ARID1B: variants seen among roughly 807,000 people sequenced by gnomAD.
ARID1B encodes AT-rich interactive domain-containing protein 1B.
In ARID1B, 30 loss-of-function variants were observed where a neutral mutation model predicts 212.3. That is an observed-to-expected ratio of 0.14 (90% CI 0.11 to 0.19). The LOEUF is 0.19. Among genes scored for constraint, ARID1B ranks in the 10% least tolerant of loss-of-function variants. The pLI is 1.00. For synonymous variants in ARID1B, 1,402 were observed against 1,301.7 expected (o/e 1.08, Z -1.66); for missense variants, 2,891 against 3,204.0 (o/e 0.90, Z 2.36).
chr6:157,111,968 C>T (rs1786957260), intron 6 of ARID1B, among the ~76,000 whole-genome samples: 1 of 152,052 alleles, frequency 6.6e-6, no homozygotes, highest in Admixed American at 6.5e-5. Context: ...TTGGCAAGTT[C>T]TCAGATACTG....
chr6:157,046,173 T>C (rs1246242047), intron 4 of ARID1B, among the ~76,000 whole-genome samples: 1 of 152,230 alleles, frequency 6.6e-6, no homozygotes, highest in African/African-American at 2.4e-5. Flanking sequence ...CTTTGTTAGG[T>C]TTAATTATCT....
At chr6:156,960,756 A>G (rs184063075) in intron 4 of ARID1B, among the ~76,000 whole-genome samples, 74 of 152,334 alleles carry the variant, frequency 4.9e-4, no homozygotes, top group Admixed American at 2.6e-4. Context: ...AATATGATTC[A>G]GATAGAGGAA....
intron 1 of ARID1B, among the ~76,000 whole-genome samples, chr6:156,796,105 GT>G (rs879691187): frequency 2.6e-5 from 4 of 152,158 alleles, no homozygotes; most frequent in Admixed American, 2.6e-4. Flanking sequence ...GGCTGAGACT[GT>G]TTCCAAGTGG....
At chr6:156,903,778 T>C (rs1278380325) in intron 3 of ARID1B, among the ~76,000 whole-genome samples, 1 of 152,202 alleles carries the variant, frequency 6.6e-6, no homozygotes, top group African/African-American at 2.4e-5. Flanking sequence ...CAGCTAGTAT[T>C]TCATAACGAC....
chr6:156,933,780 T>G (rs890340006), intron 3 of ARID1B, among the ~76,000 whole-genome samples: 5 of 152,186 alleles, frequency 3.3e-5, no homozygotes, highest in African/African-American at 1.2e-4. Flanking sequence ...TTGTTTGTTT[T>G]TTTGGTGGAG....
At chr6:157,127,359 A>G (rs1398413497) in intron 6 of ARID1B, among the ~76,000 whole-genome samples, 1 of 152,108 alleles carries the variant, frequency 6.6e-6, no homozygotes, top group Non-Finnish European at 1.5e-5. Flanking sequence ...TTGAATCTAT[A>G]ATAGTGACAA....
At chr6:157,115,114 T>A (rs1787238477) in intron 6 of ARID1B, among the ~76,000 whole-genome samples, 1 of 152,138 alleles carries the variant, frequency 6.6e-6, no homozygotes. Context: ...CCCCACCCCA[T>A]CTCTTTTTCG....
chr6:156,778,182 C>A lies in ARID1B; in HGVS notation c.502C>A (p.His168Asn), dbSNP rs1391271938. Reference protein sequence around the residue: ...APAAPPHQQHHHHHHAHHHHH... With the variant: ...APAAPPHQQHNHHHHAHHHHH... ...CGCCGCGCCGCCCCACCAGCAGCAC[C>A]ACCACCACCACCATGCCCACCACCA... The change falls in exon 1 of 20, where the codon CAC (histidine) becomes AAC (asparagine). Residue 168 changes from histidine to asparagine, a missense_variant. Around this residue, in one of 7 missense-constraint regions of ARID1B, gnomAD observed 1,643 missense variants for 1,544.0 expected, o/e 1.06. Transcript: ENST00000636930. 6 of 1,540,246 alleles carry A rather than the reference C, an allele frequency of 3.9e-6. No individual in the cohort carries two copies. The highest frequency in any genetic ancestry group is 8.7e-7 in the Non-Finnish European group (1 of 1,146,060).
intron 19 of ARID1B, chr6:157,205,938 G>T: frequency 1.8e-6 from 1 of 550,362 alleles, no homozygotes; most frequent in Non-Finnish European, 3.3e-6. Context: ...CAAGGAAGCA[G>T]CAAATAAGGA....
intron 4 of ARID1B, among the ~76,000 whole-genome samples, chr6:157,030,658 A>G (rs1780963335): frequency 6.6e-6 from 1 of 152,262 alleles, no homozygotes; most frequent in Non-Finnish European, 1.5e-5. Context: ...AGCCTTGAAT[A>G]GAAAGACACA....
chr6:156,897,264 C>CTTCTTCTTA (rs71027320), intron 2 of ARID1B, among the ~76,000 whole-genome samples: 917 of 83,556 alleles, frequency 0.011, 10 homozygotes, highest in East Asian at 0.017. Flanking sequence ...TCTTCTTCTT[C>CTTCTTCTTA]TTATTATTAT....
chr6:156,779,294 C>G lies in ARID1B; in HGVS notation c.1614C>G (p.Ser538=), dbSNP rs2115001410. The G allele has an allele frequency of 9.0e-7, 1 of 1,116,750 alleles. No homozygotes were observed. The highest frequency in any genetic ancestry group is 1.1e-6 in the Non-Finnish European group (1 of 918,538). The allele number at this position is 1,116,750 out of a possible 1,614,324, so 69.2% of individuals were successfully genotyped here. A position where few individuals can be genotyped will look rare whatever the true frequency, so the allele number is the denominator to read the frequency against. The change falls in exon 1 of 20, where the codon TCC becomes TCG. Residue 538 remains serine (S), a synonymous_variant. Transcript: ENST00000636930. Reference sequence around the variant, plus strand: ...CGCCGCCGCCGTCGCAGCCCCAGTCCCAGGCGGCGGCGGCGGGGGCGGCGG... The same window carrying G: ...CGCCGCCGCCGTCGCAGCCCCAGTCGCAGGCGGCGGCGGCGGGGGCGGCGG... ...APPPPPSQPQ[S]QAAAAGAAAG...
At chr6:157,039,322 C>CTTTCTTTTTTTTTTTTTTTTTTTTTTTT (rs1781547108) in intron 4 of ARID1B, among the ~76,000 whole-genome samples, 1 of 102,976 alleles carries the variant, frequency 9.7e-6, no homozygotes, top group Non-Finnish European at 2.0e-5. Flanking sequence ...TTTGACATTT[C>CTTTCTTTTTTTTTTTTTTTTTTTTTTTT]TTTTTTTTTT....
chr6:156,798,627 T>C (rs1780562538), intron 1 of ARID1B, among the ~76,000 whole-genome samples: 1 of 152,270 alleles, frequency 6.6e-6, no homozygotes, highest in Admixed American at 6.5e-5. Flanking sequence ...AGATTAGTTT[T>C]GTAATATATT....
At chr6:156,898,828 G>A (rs193019937) in intron 2 of ARID1B, among the ~76,000 whole-genome samples, 14 of 152,156 alleles carry the variant, frequency 9.2e-5, no homozygotes, top group Non-Finnish European at 1.5e-4. Flanking sequence ...AAAATTAGCC[G>A]GGTGTGGTGG....
intron 10 of ARID1B, 165 bp downstream of exon 10, chr6:157,174,282 C>T: frequency 1.7e-6 from 1 of 603,660 alleles, no homozygotes; most frequent in Non-Finnish European, 2.9e-6. Context: ...TCCCCAGCCC[C>T]TTCATGGTGT....
intron 1 of ARID1B, among the ~76,000 whole-genome samples, chr6:156,790,976 A>G (rs940706584): frequency 7.6e-4 from 115 of 152,228 alleles, no homozygotes; most frequent in African/African-American, 2.7e-3. Context: ...CCATATTGCT[A>G]TATTATTAGT....
At chr6:157,126,666 G>GAT (rs1489846097) in intron 6 of ARID1B, among the ~76,000 whole-genome samples, 1 of 152,104 alleles carries the variant, frequency 6.6e-6, no homozygotes, top group Non-Finnish European at 1.5e-5. Context: ...GTATCATGTA[G>GAT]ATAATATCTA....
At chr6:156,801,564 T>G (rs1302445357) in intron 1 of ARID1B, among the ~76,000 whole-genome samples, 1 of 152,140 alleles carries the variant, frequency 6.6e-6, no homozygotes, top group Admixed American at 6.5e-5. Context: ...ACTTTAAAAA[T>G]AATGAAAAAC....
Sources: gnomAD v4.1 joint callset for allele counts (sites outside exome capture counted in the v4.1 genomes callset) on GRCh38, gnomAD v4.1.1 for gene constraint, gnomAD v4.1.1 regional missense constraint, MANE v1.5 for transcripts, NCBI Gene and HGNC (gene_info 2026-07-23, HGNC 2026-07-21) for gene names.